CLRN1: variants seen among roughly 807,000 people sequenced by gnomAD.
The protein encoded by CLRN1 is clarin 1, also known as clarin-1.
A neutral mutation model predicts 18.7 loss-of-function variants in CLRN1; 15 were observed. The ratio of observed to expected loss-of-function variants is 0.80; its 90% CI spans 0.54 to 1.23. CLRN1 has a LOEUF of 1.23. CLRN1 is among the 50% of genes most tolerant of loss of function. The pLI is 0.00. For missense variants in CLRN1, 311 were observed against 277.5 expected (o/e 1.12, Z -0.86); for synonymous variants, 104 against 102.9 (o/e 1.01, Z -0.07).
At chr3:150,931,330 A>G (rs1713126215) in intron 2 of CLRN1, among the ~76,000 whole-genome samples, 1 of 152,218 alleles carries the variant, frequency 6.6e-6, no homozygotes, top group Non-Finnish European at 1.5e-5. Context: ...CTTTGAATCC[A>G]GCAAGAGGGG....
chr3:150,936,908 G>T (rs148893950), intron 2 of CLRN1, among the ~76,000 whole-genome samples: 1 of 151,996 alleles, frequency 6.6e-6, no homozygotes, highest in Non-Finnish European at 1.5e-5. Flanking sequence ...GGGACGTTCT[G>T]TGAAGGTTCT....
intron 1 of CLRN1, among the ~76,000 whole-genome samples, chr3:150,956,612 C>T (rs1051128904): frequency 4.6e-5 from 7 of 152,106 alleles, no homozygotes; most frequent in East Asian, 1.9e-4. Context: ...CTGAGTAAGT[C>T]GTAAGTTAAT....
rs57988194 is a variant in CLRN1, at chr3:150,941,178, CATAT to C, written c.433+400_433+403del. 4.3e-3 allele frequency among the ~76,000 whole-genome samples: 575 copies of C among 132,834 alleles called. 4 individuals are homozygous for C. Among genetic ancestry groups the C allele is most frequent in the Admixed American group, 0.039 (518 of 13,296 alleles). The allele number at this position is 132,834 out of a possible 152,430, so 87.1% of individuals were successfully genotyped here. On this transcript the variant is annotated intron_variant, in intron 2 of 2. Coordinates refer to ENST00000327047, the MANE Select transcript of CLRN1 (RefSeq NM_174878.3). Reference sequence around the variant, plus strand: ...TATCTATCTATCTATCTATCTCTTTCATATATATATATATATAGCCCCCATATAT... The same window carrying C: ...TATCTATCTATCTATCTATCTCTTTCATATATATATATAGCCCCCATATAT...
chr3:150,929,382 A>C (rs1358229323), intron 2 of CLRN1, among the ~76,000 whole-genome samples: 1 of 152,180 alleles, frequency 6.6e-6, no homozygotes, highest in Admixed American at 6.5e-5. Flanking sequence ...GATGGCCAGG[A>C]CTCTACAGCG....
At chr3:150,962,338 A>T (rs903980495) in intron 1 of CLRN1, among the ~76,000 whole-genome samples, 1 of 152,234 alleles carries the variant, frequency 6.6e-6, no homozygotes, top group Non-Finnish European at 1.5e-5. Context: ...ATTTAGCTGC[A>T]TGATGAGATG....
intron 1 of CLRN1, among the ~76,000 whole-genome samples, chr3:150,953,603 C>T (rs967209496): frequency 6.6e-6 from 1 of 152,158 alleles, no homozygotes; most frequent in African/African-American, 2.4e-5. Flanking sequence ...CTGCAGCCTC[C>T]ACCTCTGGAG....
chr3:150,931,896 G>A (rs991355389), intron 2 of CLRN1, among the ~76,000 whole-genome samples: 2 of 152,164 alleles, frequency 1.3e-5, no homozygotes, highest in African/African-American at 4.8e-5. Context: ...AGCCAGGACT[G>A]TGGAAATCCT....
At chr3:150,930,270 A>G (rs956561233) in intron 2 of CLRN1, among the ~76,000 whole-genome samples, 2 of 152,162 alleles carry the variant, frequency 1.3e-5, no homozygotes, top group Non-Finnish European at 2.9e-5. Flanking sequence ...AGAGTACTGC[A>G]GGCAGGAGGA....
rs1392581585 is a variant in CLRN1, at chr3:150,967,789, TAG to T, written c.253+4665_253+4666del. On this transcript the variant is annotated intron_variant, in intron 1 of 2. Transcript: ENST00000327047. ...TCACACTTGGAGGAGACCATGGAGA[TAG>T]AGAGTGCCAACTCTCAGTGACAGGC... 2.0e-5 allele frequency among the ~76,000 whole-genome samples: 3 copies of T among 152,120 alleles called. No homozygotes were observed. The East Asian group carries it at 5.8e-4, about 29-fold the overall frequency.
intron 2 of CLRN1, chr3:150,940,564 T>C (rs1311824883): frequency 1.3e-6 from 2 of 1,520,230 alleles, no homozygotes; most frequent in Admixed American, 2.0e-5. Context: ...TTCATTACAT[T>C]GTTTGCTTTG....
chr3:150,942,193 T>C (rs1713892397), intron 1 of CLRN1, among the ~76,000 whole-genome samples: 4 of 152,184 alleles, frequency 2.6e-5, no homozygotes, highest in Non-Finnish European at 1.5e-5. Context: ...AGTTTTCATA[T>C]TTACTTTGTT....
chr3:150,962,017 T>C (rs748573093), intron 1 of CLRN1, among the ~76,000 whole-genome samples: 2 of 152,206 alleles, frequency 1.3e-5, no homozygotes, highest in Non-Finnish European at 2.9e-5. Flanking sequence ...AGCTGAAGTG[T>C]ATCCACCTCA....
chr3:150,931,735 G>A lies in CLRN1; in HGVS notation c.434-3534C>T, dbSNP rs926259716. On this transcript the variant is annotated intron_variant, in intron 2 of 2. Transcript: ENST00000327047. ...TACTCTTGCCCAAGACTTCACAAAC[G>A]GTAGGATCAGTCCTACATGTCTCTC... 2.0e-5 allele frequency among the ~76,000 whole-genome samples: 3 copies of A among 152,196 alleles called. No individual in the cohort carries two copies. In the South Asian group the frequency reaches 6.2e-4, roughly 32 times the overall value.
chr3:150,946,593 T>C (rs764662449), intron 1 of CLRN1, among the ~76,000 whole-genome samples: 2 of 151,558 alleles, frequency 1.3e-5, no homozygotes, highest in Non-Finnish European at 2.9e-5. Context: ...AACGAAGACA[T>C]AAAAATTCCA....
intron 2 of CLRN1, among the ~76,000 whole-genome samples, chr3:150,936,264 T>A (rs1171056470): frequency 1.3e-5 from 2 of 152,248 alleles, no homozygotes; most frequent in Non-Finnish European, 2.9e-5. Context: ...CATCCAATTT[T>A]ATTGCTTTAC....
In CLRN1 at chr3:150,927,391, C is replaced by T; in HGVS notation, c.*545G>A. Reference sequence around the variant, plus strand: ...CTTCCCACCTTGGCCTCCTGAAGTGCTGGAATTACAGGTGTGAGTCACCAC... The same window carrying T: ...CTTCCCACCTTGGCCTCCTGAAGTGTTGGAATTACAGGTGTGAGTCACCAC... On this transcript the variant is annotated 3_prime_UTR_variant, in exon 3 of 3. Coordinates refer to ENST00000327047, the MANE Select transcript of CLRN1 (RefSeq NM_174878.3). The T allele has an allele frequency of 2.3e-6, 1 of 444,430 alleles. No homozygotes were observed. The highest frequency in any genetic ancestry group is 1.6e-5 in the South Asian group (1 of 61,470). The allele number at this position is 444,430 out of a possible 1,614,324, so 27.5% of individuals were successfully genotyped here.
chr3:150,944,007 G>A lies in CLRN1; in HGVS notation c.254-2246C>T, dbSNP rs773460533. On this transcript the variant is annotated intron_variant, in intron 1 of 2. Transcript: ENST00000327047. ...AGAAAATAGCCTGCATCAACAACAA[G>A]ATAGTTTCAGATAGTGATACATATG... 11 of 1,066,260 alleles carry A rather than the reference G, an allele frequency of 1.0e-5. No homozygotes were observed. The African/African-American group carries it at 1.7e-4, about 17-fold the overall frequency. The allele number at this position is 1,066,260 out of a possible 1,614,324, so 66.0% of individuals were successfully genotyped here. A position where few individuals can be genotyped will look rare whatever the true frequency, so the allele number is the denominator to read the frequency against.
chr3:150,940,331 G>T (rs967393280), intron 2 of CLRN1: 40 of 590,092 alleles, frequency 6.8e-5, no homozygotes, highest in Non-Finnish European at 1.0e-4. Flanking sequence ...CCTAAGCAGT[G>T]TGCACAAGTA....
intron 1 of CLRN1, among the ~76,000 whole-genome samples, chr3:150,954,263 G>C (rs900262098): frequency 1.3e-5 from 2 of 152,222 alleles, no homozygotes; most frequent in African/African-American, 4.8e-5. Flanking sequence ...CAATGTAAGA[G>C]AGTCCTACTT....
Sources: allele counts gnomAD v4.1 joint callset (sites outside exome capture counted in the v4.1 genomes callset), GRCh38; gene constraint gnomAD v4.1.1; transcripts MANE v1.5; gene names NCBI Gene and HGNC (gene_info 2026-07-23, HGNC 2026-07-21).